The following SNX24 variants were observed in gnomAD, a reference collection of about 807,000 sequenced individuals.
The protein encoded by SNX24 is sorting nexin 24.
A neutral mutation model predicts 28.7 loss-of-function variants in SNX24; 22 were observed. The observed-to-expected ratio is 0.77, with a 90% CI of 0.55 to 1.10. The LOEUF is 1.10. Ranked by LOEUF, SNX24 falls within the 50% of genes least tolerant of loss-of-function variation. SNX24 has a pLI of 0.00. For synonymous variants in SNX24, 69 were observed against 71.5 expected (o/e 0.96, Z 0.18); for missense variants, 221 against 201.1 (o/e 1.10, Z -0.60).
chr5:122,975,503 A>C (rs1303052515), intron 3 of SNX24, among the ~76,000 whole-genome samples: 1 of 152,128 alleles, frequency 6.6e-6, no homozygotes, highest in Non-Finnish European at 1.5e-5. Context: ...TACTTGATAT[A>C]TTTAACTTTT....
At chr5:122,935,727 C>A (rs1033434665) in intron 1 of SNX24, among the ~76,000 whole-genome samples, 4 of 152,048 alleles carry the variant, frequency 2.6e-5, no homozygotes, top group East Asian at 1.9e-4. Flanking sequence ...ATGTCATATG[C>A]CAAATTTAAG....
At chr5:122,911,094 A>G (rs924324868) in intron 1 of SNX24, among the ~76,000 whole-genome samples, 7 of 152,158 alleles carry the variant, frequency 4.6e-5, no homozygotes, top group African/African-American at 1.7e-4. Flanking sequence ...AACAGTGTAA[A>G]AGTGTTCCTA....
chr5:122,936,641 A>T, intron 1 of SNX24, 93 bp from the exon 2 acceptor site: 1 of 700,576 alleles, frequency 1.4e-6, no homozygotes, highest in Non-Finnish European at 2.4e-6. Context: ...ACTGTAATTA[A>T]AGGGATGAAA....
chr5:122,852,126 C>CTA (rs780888031), intron 1 of SNX24, among the ~76,000 whole-genome samples: 22 of 149,758 alleles, frequency 1.5e-4, no homozygotes, highest in Non-Finnish European at 2.5e-4. Flanking sequence ...ATATCTATAT[C>CTA]TATATATATA....
At chr5:122,865,740 T>G (rs1236397786) in intron 1 of SNX24, among the ~76,000 whole-genome samples, 1 of 152,196 alleles carries the variant, frequency 6.6e-6, no homozygotes, top group Non-Finnish European at 1.5e-5. Flanking sequence ...TAACACACTA[T>G]TGGTGAGACT....
At chr5:123,028,718 G>T in intron 5 of SNX24, 1 of 1,409,766 alleles carries the variant, frequency 7.1e-7, no homozygotes, top group Non-Finnish European at 1.0e-6. Flanking sequence ...TTCATATACT[G>T]GCTTAACCTT....
chr5:123,025,697 A>C, intron 5 of SNX24: 1 of 1,362,910 alleles, frequency 7.3e-7, no homozygotes, highest in East Asian at 2.5e-5. Flanking sequence ...GATCTCTAAC[A>C]AGCATATTTT....
At chr5:122,897,473 A>ATGGATCATTT (rs1348238695) in intron 1 of SNX24, among the ~76,000 whole-genome samples, 1 of 152,226 alleles carries the variant, frequency 6.6e-6, no homozygotes, top group Non-Finnish European at 1.5e-5. Flanking sequence ...ATAGACTAAC[A>ATGGATCATTT]TGTTAAAGGA....
downstream of SNX24, among the ~76,000 whole-genome samples, chr5:123,011,386 G>A (rs1158900455): frequency 6.6e-6 from 1 of 151,944 alleles, no homozygotes; most frequent in African/African-American, 2.4e-5. Flanking sequence ...CCTTTCTCCT[G>A]GTGTCCTTGT....
chr5:122,930,043 A>T (rs1758882675), intron 1 of SNX24, among the ~76,000 whole-genome samples: 1 of 152,190 alleles, frequency 6.6e-6, no homozygotes, highest in African/African-American at 2.4e-5. Context: ...CTTTGAAGAC[A>T]TTTGGAGCCA....
intron 1 of SNX24, among the ~76,000 whole-genome samples, chr5:122,913,665 C>T (rs560503879): frequency 8.0e-5 from 12 of 150,616 alleles, no homozygotes; most frequent in Admixed American, 2.0e-4. Flanking sequence ...ACTTCTCAGA[C>T]GGGGCAGCCG....
chr5:123,014,618 G>C (rs1762650408), intron 5 of SNX24, among the ~76,000 whole-genome samples: 1 of 152,000 alleles, frequency 6.6e-6, no homozygotes, highest in Non-Finnish European at 1.5e-5. Flanking sequence ...CCTCCTCCCA[G>C]GGCTCTTTGA....
At chr5:122,926,993 C>T (rs1433903341) in intron 1 of SNX24, among the ~76,000 whole-genome samples, 1 of 152,190 alleles carries the variant, frequency 6.6e-6, no homozygotes, top group Non-Finnish European at 1.5e-5. Flanking sequence ...AACAGCTTCC[C>T]CTCCACTGAT....
At chr5:122,921,394 G>A (rs1279508155) in intron 1 of SNX24, among the ~76,000 whole-genome samples, 1 of 152,142 alleles carries the variant, frequency 6.6e-6, no homozygotes, top group African/African-American at 2.4e-5. Context: ...ATCGTGGTTG[G>A]AGGTGTTAGT....
At chr5:122,895,537 C>CT (rs1349557087) in intron 1 of SNX24, among the ~76,000 whole-genome samples, 1 of 152,140 alleles carries the variant, frequency 6.6e-6, no homozygotes, top group Non-Finnish European at 1.5e-5. Flanking sequence ...GCACTGTGTT[C>CT]TTTTCTGGTG....
chr5:122,986,997 G>C (rs554704362), intron 3 of SNX24, among the ~76,000 whole-genome samples: 2 of 152,302 alleles, frequency 1.3e-5, no homozygotes, highest in East Asian at 3.9e-4. Context: ...ATAGGAATTG[G>C]CTTCTGATGG....
chr5:122,885,340 G>T (rs575807883), intron 1 of SNX24, among the ~76,000 whole-genome samples: 1 of 152,248 alleles, frequency 6.6e-6, no homozygotes, highest in East Asian at 1.9e-4. Context: ...AGGGTGAGGT[G>T]GGGGTAGGGG....
intron 1 of SNX24, among the ~76,000 whole-genome samples, chr5:122,922,596 G>A (rs186526955): frequency 1.6e-4 from 24 of 151,822 alleles, no homozygotes; most frequent in African/African-American, 5.3e-4. Context: ...ATTTAAAATA[G>A]CAATAAAGGC....
chr5:122,887,601 A>G (rs981657875), intron 1 of SNX24, among the ~76,000 whole-genome samples: 5 of 152,014 alleles, frequency 3.3e-5, no homozygotes, highest in African/African-American at 1.2e-4. Context: ...CTCTCTTGCT[A>G]TGTTCTGGGT....
Sources: allele counts gnomAD v4.1 joint callset (sites outside exome capture counted in the v4.1 genomes callset), GRCh38; gene constraint gnomAD v4.1.1; transcripts MANE v1.5; gene names NCBI Gene and HGNC (gene_info 2026-07-23, HGNC 2026-07-21).